Variants in ITK observed in about 807,000 individuals in gnomAD.
The protein encoded by ITK is IL2 inducible T cell kinase, also known as tyrosine-protein kinase ITK/TSK.
A neutral mutation model predicts 87.6 loss-of-function variants in ITK; 45 were observed. The observed-to-expected ratio is 0.51, with a 90% CI of 0.40 to 0.66. The LOEUF (loss-of-function observed/expected upper bound fraction) is 0.66, where lower values mean the gene tolerates loss of function less well. Among genes scored for constraint, ITK ranks in the 30% least tolerant of loss-of-function variants. The pLI, the probability that ITK is intolerant of heterozygous loss-of-function variation, is 0.00. For missense variants in ITK, 605 were observed against 766.3 expected, an observed-to-expected ratio of 0.79 and a Z score of 2.48; for synonymous variants, 303 against 273.6, an observed-to-expected ratio of 1.11 and a Z score of -1.06.
intron 4 of ITK, among the ~76,000 whole-genome samples, chr5:157,216,878 G>A (rs1165924142): frequency 6.6e-6 from 1 of 152,138 alleles, no homozygotes; most frequent in Non-Finnish European, 1.5e-5. Flanking sequence ...TGGCAAGTCT[G>A]CACGGGACTG....
At chr5:157,220,252 A>G (rs1754388366) in intron 5 of ITK, among the ~76,000 whole-genome samples, 2 of 152,170 alleles carry the variant, frequency 1.3e-5, no homozygotes, top group Admixed American at 1.3e-4. Flanking sequence ...TAAAATATCC[A>G]TGGTCAGAGT....
intron 8 of ITK, among the ~76,000 whole-genome samples, chr5:157,234,026 G>A (rs1258159218): frequency 1.7e-5 from 2 of 120,116 alleles, no homozygotes; most frequent in African/African-American, 6.6e-5. Context: ...TGTCACCCAG[G>A]CTAGCATGTA....
chr5:157,184,340 T>A (rs186930736), intron 1 of ITK, among the ~76,000 whole-genome samples: 5 of 152,316 alleles, frequency 3.3e-5, no homozygotes, highest in African/African-American at 9.6e-5. Flanking sequence ...CAATGTGATG[T>A]CTGCTGGCTC....
intron 16 of ITK, among the ~76,000 whole-genome samples, chr5:157,250,265 T>G (rs948404017): frequency 6.6e-6 from 1 of 152,226 alleles, no homozygotes; most frequent in Non-Finnish European, 1.5e-5. Context: ...ATCTTTTCAC[T>G]GTCTTCATAG....
At chr5:157,242,719 A>G (rs1754935823) in intron 11 of ITK, among the ~76,000 whole-genome samples, 1 of 152,174 alleles carries the variant, frequency 6.6e-6, no homozygotes. Context: ...TCAGCCTCCC[A>G]AAGTGTTGGG....
In ITK at chr5:157,244,206, C is replaced by T. The variant is rs556050116; in HGVS notation, c.1233-56C>T. The T allele has an allele frequency of 1.2e-4, 160 of 1,340,378 alleles. 1 individual carries two copies. The highest frequency in any genetic ancestry group is 3.6e-4 in the Middle Eastern group (2 of 5,556). The allele number at this position is 1,340,378 out of a possible 1,614,324, so 83.0% of individuals were successfully genotyped here. On this transcript the variant is annotated intron_variant, in intron 12 of 16. Coordinates refer to ENST00000422843, the MANE Select transcript of ITK (RefSeq NM_005546.4). The stretch of plus-strand genomic sequence containing the variant: ...GGCTATTTTGGTACCATAATATTTT[C>T]GGCATTTTTGGGAGACTGAGTTTAG...
chr5:157,240,103 C>A lies in ITK; in HGVS notation c.893C>A (p.Thr298Lys). 2 of 1,611,864 alleles carry A rather than the reference C, an allele frequency of 1.2e-6. No individual in the cohort carries two copies. The highest frequency in any genetic ancestry group is 1.7e-6 in the Non-Finnish European group (2 of 1,177,982). Residue 298 changes from threonine (T) to lysine (K), a missense_variant, in exon 10 of 17, where the codon ACA (threonine) becomes AAA (lysine). This residue lies in a region of ITK where 464 missense variants were observed against 578.0 expected (regional missense o/e 0.80). Coordinates refer to ENST00000422843, the MANE Select transcript of ITK (RefSeq NM_005546.4). ...PCIKHYHIKE[T>K]NDNPKRYYVA... ...ATAAAGCATTATCACATCAAGGAAA[C>A]AAATGACAATCCTAAGCGATACTAT...
At chr5:157,233,420 C>A (rs1420995524) in intron 8 of ITK, among the ~76,000 whole-genome samples, 1 of 152,182 alleles carries the variant, frequency 6.6e-6, no homozygotes, top group Admixed American at 6.5e-5. Flanking sequence ...TGAGCTGAGT[C>A]CTTACTGAAC....
intron 1 of ITK, among the ~76,000 whole-genome samples, chr5:157,181,941 A>G (rs1030871905): frequency 1.3e-5 from 2 of 152,192 alleles, no homozygotes; most frequent in Non-Finnish European, 2.9e-5. Flanking sequence ...AGGAGACCAA[A>G]CTCTACTTCT....
intron 1 of ITK, among the ~76,000 whole-genome samples, chr5:157,189,600 G>C (rs969852056): frequency 1.3e-5 from 2 of 152,180 alleles, no homozygotes; most frequent in African/African-American, 4.8e-5. Flanking sequence ...AGAATTGCTT[G>C]AACCCAGGAG....
Position 157,248,881 on chromosome 5 carries a change from C to T in ITK, c.1665C>T (p.Gly555=), listed in dbSNP as rs374778457. Residue 555 remains glycine, a synonymous_variant, in exon 16 of 17, where the codon GGC becomes GGT. Transcript: ENST00000422843. Reference sequence around the variant, plus strand: ...TGATGTGGGAAGTTTTCAGTGAAGGCAAAATCCCGTATGAAAACCGAAGCA... The same window carrying T: ...TGATGTGGGAAGTTTTCAGTGAAGGTAAAATCCCGTATGAAAACCGAAGCA... The part of the protein sequence containing the change: ...GVLMWEVFSE[G]KIPYENRSNS... 5.0e-6 allele frequency: 8 copies of T among 1,613,928 alleles called. No homozygotes were observed. The highest frequency in any genetic ancestry group is 5.9e-6 in the Non-Finnish European group (7 of 1,179,868).
Position 157,240,180 on chromosome 5 carries a change from C to G in ITK, c.970C>G (p.Gln324Glu). Residue 324 changes from glutamine to glutamate, a missense_variant, in exon 10 of 17, where the codon CAA becomes GAA. Gln to Glu is a conservative substitution (Grantham distance 29). Transcript: ENST00000422843. ...CATCCCTCTTCTCATCAACTATCAC[C>G]AACATAATGGAGGAGGTAAGCTCTA... ...DSIPLLINYH[Q>E]HNGGGLVTRL... 1 of 1,614,096 alleles carries G rather than the reference C, an allele frequency of 6.2e-7. No individual in the cohort carries two copies. The highest frequency in any genetic ancestry group is 8.5e-7 in the Non-Finnish European group (1 of 1,179,998).
Position 157,248,965 on chromosome 5 carries a change from C to A in ITK, c.1749C>A (p.Ala583=). ...TTCGGTTGTACAAGCCCCGGCTGGC[C>A]TCCACACACGTCTACCAGATTATGA... is the stretch of plus-strand genomic sequence containing the variant. The part of the protein sequence containing the change: ...TGFRLYKPRL[A]STHVYQIMNH... Residue 583 remains alanine (A), a synonymous_variant, in exon 16 of 17, where the codon GCC becomes GCA. Coordinates refer to ENST00000422843, the MANE Select transcript of ITK (RefSeq NM_005546.4). The A allele has an allele frequency of 6.2e-7, 1 of 1,613,904 alleles. No homozygotes were observed. The highest frequency in any genetic ancestry group is 2.2e-5 in the East Asian group (1 of 44,884).
chr5:157,200,083 G>A (rs1249202221), intron 1 of ITK, among the ~76,000 whole-genome samples: 2 of 98,504 alleles, frequency 2.0e-5, no homozygotes, highest in African/African-American at 8.9e-5. Context: ...AGGAAAGAAA[G>A]AGAGAAAGGA....
chr5:157,198,236 T>C (rs148431852), intron 1 of ITK, among the ~76,000 whole-genome samples: 72 of 152,332 alleles, frequency 4.7e-4, no homozygotes, highest in South Asian at 3.5e-3. Context: ...AAACACATTT[T>C]AATAGATGAT....
intron 1 of ITK, among the ~76,000 whole-genome samples, chr5:157,194,588 T>C (rs1436065405): frequency 6.6e-6 from 1 of 152,150 alleles, no homozygotes; most frequent in Non-Finnish European, 1.5e-5. Flanking sequence ...CCACAATCCA[T>C]GCTGAGGCCA....
At chr5:157,229,984 T>TGAA (rs1381209515) in intron 7 of ITK, among the ~76,000 whole-genome samples, 2 of 152,314 alleles carry the variant, frequency 1.3e-5, no homozygotes, top group Admixed American at 1.3e-4. Context: ...GGCTGGATCT[T>TGAA]GACCCATACA....
In ITK at chr5:157,253,638, C is replaced by T. The variant is rs1028926422; in HGVS notation, c.*960C>T. 1.8e-5 allele frequency: 4 copies of T among 226,970 alleles called. No individual in the cohort carries two copies. The highest frequency in any genetic ancestry group is 8.9e-5 in the African/African-American group (4 of 44,982). 14.1% of individuals were successfully genotyped at this position (226,970 alleles called of 1,614,324 possible). A position where few individuals can be genotyped will look rare whatever the true frequency, so the allele number is the denominator to read the frequency against. On this transcript the variant is annotated 3_prime_UTR_variant, in exon 17 of 17. Transcript: ENST00000422843. ...ATCAGCCCCCCCTCTCTGCACTATC[C>T]GATCCTCATCAACAGAGGGCAGCAT...
Position 157,253,429 on chromosome 5 carries a change from C to T in ITK, c.*751C>T. 8.8e-6 allele frequency: 2 copies of T among 226,210 alleles called. No homozygotes were observed. Among genetic ancestry groups the T allele is most frequent in the East Asian group, 1.3e-4 (2 of 15,660 alleles). 14.0% of individuals were successfully genotyped at this position (226,210 alleles called of 1,614,324 possible). ...GATGTCTGCACCAGAACAAGAGAAC[C>T]TCTGACGGTGGAGAACCATGTGGTG... On this transcript the variant is annotated 3_prime_UTR_variant, in exon 17 of 17. Coordinates refer to ENST00000422843, the MANE Select transcript of ITK (RefSeq NM_005546.4).
Sources: allele counts gnomAD v4.1 joint callset (sites outside exome capture counted in the v4.1 genomes callset), GRCh38; gene constraint gnomAD v4.1.1; regional missense constraint gnomAD v4.1.1; transcripts MANE v1.5; gene names NCBI Gene and HGNC (gene_info 2026-07-23, HGNC 2026-07-21).